Variants in AJAP1 observed in about 807,000 individuals in gnomAD.
AJAP1 encodes adherens junction-associated protein 1.
AJAP1 carries 5 observed loss-of-function variants against 35.0 expected under a neutral mutation model. The observed-to-expected ratio is 0.14, with a 90% CI of 0.07 to 0.30. AJAP1 has a LOEUF of 0.30. AJAP1 is among the 10% of genes least tolerant of loss of function. The pLI, the probability that AJAP1 is intolerant of heterozygous loss-of-function variation, is 1.00. For missense variants in AJAP1, 586 were observed against 571.0 expected, an observed-to-expected ratio of 1.03 and a Z score of -0.27; for synonymous variants, 284 against 249.3, an observed-to-expected ratio of 1.14 and a Z score of -1.31.
intron 2 of AJAP1, among the ~76,000 whole-genome samples, chr1:4,766,194 C>T (rs944026755): frequency 9.3e-5 from 14 of 150,428 alleles, no homozygotes; most frequent in African/African-American, 3.4e-4. Flanking sequence ...CCATTTGCTT[C>T]TTTGCCCATT....
intron 2 of AJAP1, among the ~76,000 whole-genome samples, chr1:4,767,835 A>G (rs1641723047): frequency 6.6e-6 from 1 of 152,212 alleles, no homozygotes; most frequent in South Asian, 2.1e-4. Flanking sequence ...TGACTGGGCC[A>G]GAGGGAGTGT....
intron 1 of AJAP1, among the ~76,000 whole-genome samples, chr1:4,666,466 C>G (rs1226761040): frequency 6.6e-6 from 1 of 152,068 alleles, no homozygotes; most frequent in Admixed American, 6.6e-5. Context: ...AATGACAGAC[C>G]CTGGGGAGTG....
chr1:4,725,371 C>T (rs973554262), intron 2 of AJAP1, among the ~76,000 whole-genome samples: 1 of 152,064 alleles, frequency 6.6e-6, no homozygotes, highest in African/African-American at 2.4e-5. Flanking sequence ...CGCATCTTCT[C>T]GTGCACCATG....
chr1:4,766,887 A>G (rs1641697380), intron 2 of AJAP1, among the ~76,000 whole-genome samples: 1 of 152,098 alleles, frequency 6.6e-6, no homozygotes, highest in Admixed American at 6.5e-5. Context: ...GTTAAAAAAA[A>G]TGTGGGGTGG....
chr1:4,709,468 C>A (rs549997738), intron 1 of AJAP1, among the ~76,000 whole-genome samples: 1 of 151,848 alleles, frequency 6.6e-6, no homozygotes, highest in East Asian at 1.9e-4. Flanking sequence ...TCTGGTGAGG[C>A]CTGGTGGAGC....
chr1:4,750,268 GCA>G (rs1015127177), intron 2 of AJAP1, among the ~76,000 whole-genome samples: 2 of 152,224 alleles, frequency 1.3e-5, no homozygotes, highest in South Asian at 2.1e-4. Context: ...CAGTGTGTGT[GCA>G]CACACACACA....
chr1:4,669,825 A>G (rs1639213101), intron 1 of AJAP1, among the ~76,000 whole-genome samples: 1 of 152,156 alleles, frequency 6.6e-6, no homozygotes, highest in Non-Finnish European at 1.5e-5. Flanking sequence ...ACTGATGGAC[A>G]TTTGGGTTGT....
At chr1:4,664,389 G>C (rs546903271) in intron 1 of AJAP1, among the ~76,000 whole-genome samples, 7 of 152,324 alleles carry the variant, frequency 4.6e-5, no homozygotes, top group African/African-American at 1.7e-4. Context: ...CCCATGGTAT[G>C]GAGGTGAAAA....
chr1:4,708,330 C>T (rs1203022987), intron 1 of AJAP1, among the ~76,000 whole-genome samples: 2 of 152,124 alleles, frequency 1.3e-5, no homozygotes, highest in African/African-American at 2.4e-5. Flanking sequence ...CCACTTCTGC[C>T]TGCCCCACAG....
chr1:4,664,888 A>G (rs540480754), intron 1 of AJAP1, among the ~76,000 whole-genome samples: 1 of 152,268 alleles, frequency 6.6e-6, no homozygotes, highest in East Asian at 1.9e-4. Context: ...CTTCCTAGGC[A>G]TGCAGCTACG....
At chr1:4,747,774 G>C (rs953168737) in intron 2 of AJAP1, among the ~76,000 whole-genome samples, 2 of 152,088 alleles carry the variant, frequency 1.3e-5, no homozygotes. Context: ...GATCACCTGA[G>C]GTCAGGAGTT....
At chr1:4,746,016 C>T (rs575510163) in intron 2 of AJAP1, among the ~76,000 whole-genome samples, 8 of 152,324 alleles carry the variant, frequency 5.3e-5, no homozygotes, top group Non-Finnish European at 8.8e-5. Context: ...GCTGCTGTAA[C>T]CAAGTTTCGC....
chr1:4,687,412 C>G (rs979044697), intron 1 of AJAP1, among the ~76,000 whole-genome samples: 2 of 152,204 alleles, frequency 1.3e-5, no homozygotes, highest in African/African-American at 4.8e-5. Context: ...CCTCAAAGCA[C>G]TGATTCAGGT....
chr1:4,772,188 G>A, intron 3 of AJAP1, 92 bp from the exon 4 acceptor site: 1 of 1,541,516 alleles, frequency 6.5e-7, no homozygotes, highest in Non-Finnish European at 8.8e-7. Context: ...GCTCACGCCT[G>A]CAAGCGAAAG....
rs924995933 is a variant in AJAP1, at chr1:4,690,371, C to A, written c.30-21529C>A. ...TCCCCACTTTCAGCTACTTGTGTGA[C>A]CTCTTGTTTCAAGGATGGGAGCCCG... On this transcript the variant is annotated intron_variant, in intron 1 of 5. Coordinates refer to ENST00000378191, the MANE Select transcript of AJAP1 (RefSeq NM_018836.4). Among the ~76,000 whole-genome samples the A allele has an allele frequency of 2.0e-5, 3 of 152,160 alleles. No individual in the cohort carries two copies. In the South Asian group the frequency reaches 6.2e-4, roughly 32 times the overall value.
At chr1:4,738,847 A>G (rs992989326) in intron 2 of AJAP1, among the ~76,000 whole-genome samples, 2 of 152,120 alleles carry the variant, frequency 1.3e-5, no homozygotes, top group African/African-American at 4.8e-5. Flanking sequence ...TGGCTCTTCC[A>G]TGAAGGGAGG....
At chr1:4,680,087 T>C (rs1639450587) in intron 1 of AJAP1, among the ~76,000 whole-genome samples, 1 of 152,128 alleles carries the variant, frequency 6.6e-6, no homozygotes, top group Non-Finnish European at 1.5e-5. Flanking sequence ...AAAAGACCAA[T>C]GTCCCAGCTC....
At chr1:4,728,390 T>C (rs1049384599) in intron 2 of AJAP1, among the ~76,000 whole-genome samples, 134 of 152,296 alleles carry the variant, frequency 8.8e-4, no homozygotes, top group African/African-American at 3.2e-3. Context: ...GGTTTCCTTT[T>C]AGTCTAAGCA....
At chr1:4,674,461 G>T (rs967896456) in intron 1 of AJAP1, among the ~76,000 whole-genome samples, 2 of 152,230 alleles carry the variant, frequency 1.3e-5, no homozygotes, top group Non-Finnish European at 2.9e-5. Context: ...GACAGAAAAC[G>T]GCCTGCAAAG....
Sources: allele counts gnomAD v4.1 joint callset (sites outside exome capture counted in the v4.1 genomes callset), GRCh38; gene constraint gnomAD v4.1.1; transcripts MANE v1.5; gene names NCBI Gene and HGNC (gene_info 2026-07-23, HGNC 2026-07-21).